Variants in AKAP6 observed in about 807,000 individuals in gnomAD.
The protein encoded by AKAP6 is A-kinase anchor protein 6.
In AKAP6, 58 loss-of-function variants were observed where a neutral mutation model predicts 188.5. The observed-to-expected ratio is 0.31, with a 90% confidence interval of 0.25 to 0.38. The LOEUF (loss-of-function observed/expected upper bound fraction) is 0.38. Among genes scored for constraint, AKAP6 ranks in the 10% least tolerant of loss-of-function variants. The pLI is 1.00. For synonymous variants in AKAP6, 989 were observed against 998.6 expected (o/e 0.99, Z 0.18); for missense variants, 2,710 against 2,740.0 (o/e 0.99, Z 0.24).
At chr14:32,702,789 C>T (rs1402136932) in intron 9 of AKAP6, among the ~76,000 whole-genome samples, 1 of 152,158 alleles carries the variant, frequency 6.6e-6, no homozygotes, top group Non-Finnish European at 1.5e-5. Context: ...GAAAGTTCCC[C>T]TCATTTGCAT....
intron 7 of AKAP6, among the ~76,000 whole-genome samples, chr14:32,644,715 A>G (rs1471728318): frequency 1.3e-5 from 2 of 151,566 alleles, no homozygotes; most frequent in African/African-American, 4.9e-5. Flanking sequence ...CCTTTTCTCT[A>G]TTCTCTCTCC....
chr14:32,504,424 G>T (rs145553062), intron 2 of AKAP6, among the ~76,000 whole-genome samples: 56 of 152,144 alleles, frequency 3.7e-4, no homozygotes, highest in African/African-American at 1.3e-3. Flanking sequence ...GGCACTACAG[G>T]TGTGTGCCAC....
chr14:32,729,037 C>T (rs1034009624), intron 9 of AKAP6, among the ~76,000 whole-genome samples: 6 of 151,886 alleles, frequency 4.0e-5, no homozygotes, highest in African/African-American at 1.2e-4. Context: ...TTTTTATTTA[C>T]CAGACAGTGA....
chr14:32,713,147 C>T (rs569244354), intron 9 of AKAP6, among the ~76,000 whole-genome samples: 5 of 152,100 alleles, frequency 3.3e-5, no homozygotes, highest in South Asian at 2.1e-4. Context: ...GCATTGTCAA[C>T]GAGCAGTAAT....
intron 11 of AKAP6, among the ~76,000 whole-genome samples, chr14:32,737,928 A>T (rs1193436789): frequency 2.0e-5 from 3 of 152,196 alleles, no homozygotes; most frequent in African/African-American, 7.2e-5. Context: ...AAAAAAGGAC[A>T]AACCAATTGT....
intron 2 of AKAP6, among the ~76,000 whole-genome samples, chr14:32,513,667 A>AT (rs1444187681): frequency 2.0e-4 from 30 of 151,738 alleles, no homozygotes; most frequent in Admixed American, 1.3e-3. Context: ...TTAACTTTTT[A>AT]TTTTTTTTCT....
intron 7 of AKAP6, among the ~76,000 whole-genome samples, chr14:32,623,239 A>C (rs1343246825): frequency 6.6e-6 from 1 of 152,132 alleles, no homozygotes; most frequent in Non-Finnish European, 1.5e-5. Flanking sequence ...TGTTGTTGTT[A>C]GTGGGAAATC....
chr14:32,513,567 ATAT>A (rs1231464974), intron 2 of AKAP6, among the ~76,000 whole-genome samples: 1 of 152,168 alleles, frequency 6.6e-6, no homozygotes, highest in Non-Finnish European at 1.5e-5. Flanking sequence ...GCCTGCTTTG[ATAT>A]TATACTTTGT....
intron 2 of AKAP6, among the ~76,000 whole-genome samples, chr14:32,443,563 G>T (rs1890661178): frequency 6.6e-6 from 1 of 152,200 alleles, no homozygotes; most frequent in Non-Finnish European, 1.5e-5. Flanking sequence ...ACAACACCTG[G>T]AAGGAGATGC....
At chr14:32,612,709 ATGTTAATAGAT>A (rs1469062338) in intron 7 of AKAP6, among the ~76,000 whole-genome samples, 1 of 152,152 alleles carries the variant, frequency 6.6e-6, no homozygotes, top group African/African-American at 2.4e-5. Flanking sequence ...CTAGTTGGTT[ATGTTAATAGAT>A]TGTTAGATTT....
At chr14:32,696,457 G>A (rs1269247718) in intron 9 of AKAP6, among the ~76,000 whole-genome samples, 4 of 152,150 alleles carry the variant, frequency 2.6e-5, no homozygotes, top group Non-Finnish European at 4.4e-5. Flanking sequence ...AACGTGGTAC[G>A]ATTGGAGCAC....
intron 5 of AKAP6, among the ~76,000 whole-genome samples, chr14:32,592,121 C>A (rs1036963067): frequency 6.6e-6 from 1 of 152,210 alleles, no homozygotes; most frequent in Admixed American, 6.5e-5. Flanking sequence ...CAAAATGCCA[C>A]AAGCTGTTTA....
chr14:32,701,532 A>C (rs1239384885), intron 9 of AKAP6, among the ~76,000 whole-genome samples: 1 of 152,154 alleles, frequency 6.6e-6, no homozygotes, highest in African/African-American at 2.4e-5. Context: ...ATTTCTAACC[A>C]TAATAATTAT....
intron 7 of AKAP6, among the ~76,000 whole-genome samples, chr14:32,659,257 T>C (rs1164662557): frequency 6.6e-6 from 1 of 152,100 alleles, no homozygotes; most frequent in African/African-American, 2.4e-5. Context: ...TTCTGTTAAA[T>C]CTAAGCTGGA....
intron 2 of AKAP6, among the ~76,000 whole-genome samples, chr14:32,533,562 G>A (rs1403792168): frequency 6.6e-6 from 1 of 152,150 alleles, no homozygotes. Flanking sequence ...ACAACAGAAT[G>A]GGGGGAAGTG....
At chr14:32,787,836 T>G (rs2140042094) in intron 12 of AKAP6, among the ~76,000 whole-genome samples, 1 of 152,286 alleles carries the variant, frequency 6.6e-6, no homozygotes, top group South Asian at 2.1e-4. Context: ...TCACCATTTT[T>G]TTCAAATATA....
In AKAP6 at chr14:32,600,760, G is replaced by C; in HGVS notation, c.2698G>C (p.Val900Leu). 1 of 1,611,838 alleles carries C rather than the reference G, an allele frequency of 6.2e-7. No homozygotes were observed. Among genetic ancestry groups the C allele is most frequent in the Non-Finnish European group, 8.5e-7 (1 of 1,179,008 alleles). ...KAEILATDVS[V>L]EDEEGTGSPK... The stretch of plus-strand genomic sequence containing the variant: ...CGAGATACTGGCTACTGATGTGTCT[G>C]TGGAGGATGAGGAAGGGACTGGAAG... Residue 900 changes from valine (V) to leucine (L), a missense_variant, in exon 7 of 14, where the codon GTG becomes CTG. This residue lies in a region of AKAP6 where 2,473 missense variants were observed against 2,426.1 expected (regional missense o/e 1.02). Coordinates refer to ENST00000280979, the MANE Select transcript of AKAP6 (RefSeq NM_004274.5).
rs565899675 is a variant in AKAP6, at chr14:32,570,287, C to T, written c.2347-6833C>T. Among the ~76,000 whole-genome samples the T allele has an allele frequency of 1.5e-4, 22 of 143,838 alleles. No homozygotes were observed. The South Asian group carries it at 3.4e-3, about 22-fold the overall frequency. The allele number at this position is 143,838 out of a possible 152,430, so 94.4% of individuals were successfully genotyped here. Reference sequence around the variant, plus strand: ...CTGGGATTATAGGCACATGCCACCACGCCCAGCTGATTTTTGTATTTTTTC... The same window carrying T: ...CTGGGATTATAGGCACATGCCACCATGCCCAGCTGATTTTTGTATTTTTTC... On this transcript the variant is annotated intron_variant, in intron 4 of 13. Transcript: ENST00000280979.
intron 12 of AKAP6, among the ~76,000 whole-genome samples, chr14:32,819,865 T>C (rs2034475668): frequency 6.6e-6 from 1 of 152,046 alleles, no homozygotes; most frequent in Non-Finnish European, 1.5e-5. Context: ...GAAGGATTGT[T>C]TGAGCCTGGG....
Sources: gnomAD v4.1 joint callset for allele counts (sites outside exome capture counted in the v4.1 genomes callset) on GRCh38, gnomAD v4.1.1 for gene constraint, gnomAD v4.1.1 regional missense constraint, MANE v1.5 for transcripts, NCBI Gene and HGNC (gene_info 2026-07-23, HGNC 2026-07-21) for gene names.